ZBTB40: variants seen among roughly 807,000 people sequenced by gnomAD.
ZBTB40 encodes zinc finger and BTB domain containing 40, also known as zinc finger and BTB domain-containing protein 40.
Under a neutral mutation model 117.5 loss-of-function variants are expected in ZBTB40, and 60 were observed. That is an observed-to-expected ratio of 0.51 (90% CI 0.41 to 0.63). The LOEUF is 0.63. Among genes scored for constraint, ZBTB40 ranks in the 30% least tolerant of loss-of-function variants. The pLI, the probability that ZBTB40 is intolerant of heterozygous loss-of-function variation, is 0.00. For synonymous variants in ZBTB40, 525 were observed against 577.1 expected, an observed-to-expected ratio of 0.91 and a Z score of 1.29; for missense variants, 1,287 against 1,498.5, an observed-to-expected ratio of 0.86 and a Z score of 2.33.
At chr1:22,458,387 A>G (rs1409011699) in intron 1 of ZBTB40, among the ~76,000 whole-genome samples, 1 of 152,090 alleles carries the variant, frequency 6.6e-6, no homozygotes, top group African/African-American at 2.4e-5. Context: ...TTCACCTTAT[A>G]TTGAGCACCA....
Position 22,476,462 on chromosome 1 carries a change from C to T in ZBTB40, c.-69-13418C>T, listed in dbSNP as rs544338091. Among the ~76,000 whole-genome samples the T allele has an allele frequency of 7.9e-5, 12 of 152,306 alleles. No individual in the cohort carries two copies. In the East Asian group the frequency reaches 1.7e-3, roughly 22 times the overall value. ...CTTAAACTCCTGGGTTCAAGTGATC[C>T]GCCCACCACAGCCTCCCAAAGTGCT... On this transcript the variant is annotated intron_variant, in intron 1 of 17. Transcript: ENST00000375647.
Position 22,521,494 on chromosome 1 carries a change from A to T in ZBTB40, c.3049-2A>T. On this transcript the variant is annotated splice_acceptor_variant, in intron 14 of 17. Transcript: ENST00000375647. LOFTEE classifies it high-confidence loss of function. ...ACCTAACACTTGCCAAATTCCTTGC[A>T]GCAATTGTCTGGTTTGTGGTACCAC... 1 of 1,614,224 alleles carries T rather than the reference A, an allele frequency of 6.2e-7. No homozygotes were observed. Among genetic ancestry groups the T allele is most frequent in the Non-Finnish European group, 8.5e-7 (1 of 1,180,042 alleles).
chr1:22,514,891 A>C (rs1639335978), intron 12 of ZBTB40, among the ~76,000 whole-genome samples: 2 of 152,238 alleles, frequency 1.3e-5, no homozygotes, highest in South Asian at 4.1e-4. Context: ...GAATTTCACA[A>C]GCATTGTTTC....
intron 9 of ZBTB40, among the ~76,000 whole-genome samples, chr1:22,509,694 G>C (rs571303242): frequency 6.6e-6 from 1 of 152,264 alleles, no homozygotes; most frequent in Admixed American, 6.5e-5. Flanking sequence ...TTCCTAACAC[G>C]TTTGCTCTTT....
intron 3 of ZBTB40, among the ~76,000 whole-genome samples, chr1:22,494,767 A>G (rs1168721262): frequency 1.3e-5 from 2 of 152,208 alleles, no homozygotes; most frequent in Non-Finnish European, 1.5e-5. Context: ...CTAGGCAGAG[A>G]AACTTCAATA....
chr1:22,510,665 A>G (rs777946461), intron 9 of ZBTB40, among the ~76,000 whole-genome samples: 5 of 152,192 alleles, frequency 3.3e-5, no homozygotes, highest in Non-Finnish European at 7.3e-5. Context: ...CTTCTTTAAA[A>G]CGCTGAGTTT....
rs1411215370 is a variant in ZBTB40 at position 22,445,850 on chromosome 1, G to A, written c.-70+16836G>A. On this transcript the variant is annotated intron_variant, in intron 1 of 8. Coordinates refer to the ZBTB40 transcript ENST00000650433. Reference sequence around the variant, plus strand: ...AGCCTGGGCAATAGCGCAAGACTCCGTCTCAAAAAAAAAAAAAAAACAAAA... The same window carrying A: ...AGCCTGGGCAATAGCGCAAGACTCCATCTCAAAAAAAAAAAAAAAACAAAA... Among the ~76,000 whole-genome samples the A allele has an allele frequency of 1.4e-4, 8 of 57,712 alleles. No homozygotes were observed. The East Asian group carries it at 1.5e-3, about 11-fold the overall frequency. The allele number at this position is 57,712 out of a possible 152,430, so 37.9% of individuals were successfully genotyped here.
At chr1:22,465,187 G>A (rs140214368) in intron 1 of ZBTB40, among the ~76,000 whole-genome samples, 91 of 152,342 alleles carry the variant, frequency 6.0e-4, no homozygotes, top group African/African-American at 2.1e-3. Flanking sequence ...GCCCTGGAGA[G>A]GGTAGCTCCT....
chr1:22,439,540 C>T (rs1245655596), intron 1 of ZBTB40, among the ~76,000 whole-genome samples: 4 of 152,172 alleles, frequency 2.6e-5, no homozygotes, highest in African/African-American at 9.7e-5. Flanking sequence ...AAGGGTCCAA[C>T]TTTATTCTTT....
chr1:22,500,570 G>GC (rs1638901120), intron 3 of ZBTB40, among the ~76,000 whole-genome samples: 1 of 152,208 alleles, frequency 6.6e-6, no homozygotes, highest in Admixed American at 6.5e-5. Context: ...GGTCAGGAAG[G>GC]CAAGTTCTTA....
chr1:22,509,302 T>A (rs925972773), intron 9 of ZBTB40, 69 bp downstream of exon 9: 4 of 1,602,488 alleles, frequency 2.5e-6, no homozygotes, highest in Non-Finnish European at 3.4e-6. Flanking sequence ...TCTTCATTCC[T>A]AAGAGAGGAA....
chr1:22,463,826 CATT>C (rs1641189924), intron 1 of ZBTB40, among the ~76,000 whole-genome samples: 1 of 152,170 alleles, frequency 6.6e-6, no homozygotes, highest in African/African-American at 2.4e-5. Context: ...TATTTTGCCT[CATT>C]GTATTTTGTA....
intron 1 of ZBTB40, among the ~76,000 whole-genome samples, chr1:22,466,579 C>T (rs539312273): frequency 6.6e-6 from 1 of 152,120 alleles, no homozygotes; most frequent in South Asian, 2.1e-4. Context: ...TTTTATTATA[C>T]CCATCCTAGT....
chr1:22,432,756 A>G (rs1640612960), intron 1 of ZBTB40, among the ~76,000 whole-genome samples: 1 of 152,150 alleles, frequency 6.6e-6, no homozygotes, highest in Non-Finnish European at 1.5e-5. Flanking sequence ...GTATATTCTT[A>G]TATCTGCCGC....
At chr1:22,437,677 C>T (rs1021413999) in intron 1 of ZBTB40, among the ~76,000 whole-genome samples, 3 of 152,010 alleles carry the variant, frequency 2.0e-5, no homozygotes, top group Admixed American at 2.0e-4. Flanking sequence ...CTCTCAGCCT[C>T]CCAAAGCGCT....
intron 1 of ZBTB40, among the ~76,000 whole-genome samples, chr1:22,433,654 C>T (rs1176586318): frequency 1.4e-5 from 2 of 145,212 alleles, no homozygotes; most frequent in South Asian, 2.3e-4. Flanking sequence ...TAGGACTACC[C>T]CTGTAGTCCT....
At chr1:22,484,995 C>T (rs1178259304) in intron 1 of ZBTB40, among the ~76,000 whole-genome samples, 1 of 152,118 alleles carries the variant, frequency 6.6e-6, no homozygotes, top group African/African-American at 2.4e-5. Context: ...GTGAGAAGTC[C>T]CATTTGGCTA....
At chr1:22,436,801 A>G in intron 1 of ZBTB40, among the ~76,000 whole-genome samples, 1 of 152,202 alleles carries the variant, frequency 6.6e-6, no homozygotes, top group East Asian at 1.9e-4. Flanking sequence ...TTCCATATAT[A>G]TTACATATAT....
At chr1:22,454,070 C>T (rs1640948244) in intron 1 of ZBTB40, among the ~76,000 whole-genome samples, 1 of 152,204 alleles carries the variant, frequency 6.6e-6, no homozygotes, top group African/African-American at 2.4e-5. Context: ...CTGCCTCAAC[C>T]TCCTGAATGG....
Sources: gnomAD v4.1 joint callset for allele counts (sites outside exome capture counted in the v4.1 genomes callset) on GRCh38, gnomAD v4.1.1 for gene constraint, MANE v1.5 for transcripts, NCBI Gene and HGNC (gene_info 2026-07-23, HGNC 2026-07-21) for gene names.